ELP1: variants seen among roughly 807,000 people sequenced by gnomAD.
The protein encoded by ELP1 is elongator complex protein 1.
Under a neutral mutation model 183.2 loss-of-function variants are expected in ELP1, and 131 were observed. The observed-to-expected ratio is 0.72, with a 90% CI of 0.62 to 0.83. The LOEUF (loss-of-function observed/expected upper bound fraction) is 0.83, where lower values mean the gene tolerates loss of function less well. Among genes scored for constraint, ELP1 ranks in the 40% least tolerant of loss-of-function variants. The pLI is 0.00. For synonymous variants in ELP1, 555 were observed against 569.0 expected (o/e 0.98, Z 0.35); for missense variants, 1,550 against 1,594.9 (o/e 0.97, Z 0.48).
At chr9:108,924,474 A>G (rs1190094713) in intron 5 of ELP1, among the ~76,000 whole-genome samples, 1 of 151,778 alleles carries the variant, frequency 6.6e-6, no homozygotes, top group Non-Finnish European at 1.5e-5. Flanking sequence ...CTGCATTAGG[A>G]TTTGTGTGAA....
chr9:108,875,308 G>C (rs1827667935), intron 35 of ELP1, among the ~76,000 whole-genome samples: 2 of 152,228 alleles, frequency 1.3e-5, no homozygotes, highest in South Asian at 2.1e-4. Flanking sequence ...CAAATACGTA[G>C]AGTATCAATT....
At chr9:108,884,367 G>T (rs144343511) in intron 29 of ELP1, among the ~76,000 whole-genome samples, 57 of 152,176 alleles carry the variant, frequency 3.7e-4, no homozygotes, top group Non-Finnish European at 7.6e-4. Flanking sequence ...AATCAATAAG[G>T]ATATAAAAAG....
rs1829543890 is a variant in ELP1, at chr9:108,918,865, G to C, written c.686C>G (p.Ala229Gly). ...CACAGGCTCACTGGTTGACTGCAAA[G>C]CAAACTCTCGGTTCCACACTCTGAC... ...RKVRVWNREFALQSTSEPVAG... is the reference protein window; with the variant it reads ...RKVRVWNREFGLQSTSEPVAG... Residue 229 changes from alanine (A) to glycine (G), a missense_variant, in exon 8 of 37, where the codon GCT becomes GGT. Coordinates refer to ENST00000374647, the MANE Select transcript of ELP1 (RefSeq NM_003640.5). 1 of 1,614,028 alleles carries C rather than the reference G, an allele frequency of 6.2e-7. No homozygotes were observed. The highest frequency in any genetic ancestry group is 1.7e-5 in the Admixed American group (1 of 60,008).
intron 36 of ELP1, among the ~76,000 whole-genome samples, chr9:108,872,803 TGAAAAAAAAAAAAA>T (rs1403104795): frequency 3.2e-5 from 2 of 62,788 alleles, no homozygotes; most frequent in Admixed American, 2.1e-4. Context: ...AGACTCTGTC[TGAAAAAAAAAAAAA>T]AAAAAAAAAA....
chr9:108,875,379 T>C (rs1827671362), intron 35 of ELP1, among the ~76,000 whole-genome samples: 1 of 152,210 alleles, frequency 6.6e-6, no homozygotes, highest in African/African-American at 2.4e-5. Flanking sequence ...AACATGTGCA[T>C]ACTATGGAGC....
At chr9:108,930,461 C>A (rs111551558) in intron 2 of ELP1, among the ~76,000 whole-genome samples, 1 of 152,142 alleles carries the variant, frequency 6.6e-6, no homozygotes, top group Non-Finnish European at 1.5e-5. Context: ...GGCGCTGAGG[C>A]AGGCGGATCA....
intron 6 of ELP1, 63 bp from the exon 7 acceptor site, chr9:108,919,412 C>A: frequency 3.8e-6 from 4 of 1,057,144 alleles, no homozygotes. Flanking sequence ...ATCAAACAAG[C>A]CTCAGACCAC....
chr9:108,896,911 T>C, intron 24 of ELP1, 42 bp downstream of exon 24: 2 of 1,535,048 alleles, frequency 1.3e-6, no homozygotes. Context: ...CTAGTAGCAG[T>C]CACGGCCACC....
chr9:108,914,895 G>GC (rs1160384122), intron 10 of ELP1, among the ~76,000 whole-genome samples: 11 of 152,238 alleles, frequency 7.2e-5, no homozygotes, highest in Admixed American at 1.3e-4. Context: ...AAAGTGCTGG[G>GC]CCCCCAAAGT....
rs1398716933 is a variant in ELP1, at chr9:108,878,157, G to A, written c.3701-8C>T. 2 of 1,602,108 alleles carry A rather than the reference G, an allele frequency of 1.2e-6. No homozygotes were observed. The highest frequency in any genetic ancestry group is 1.3e-5 in the African/African-American group (1 of 74,664). ...AAATATGGTATACTTCATCTAGAGA[G>A]AAGAAATTTGAAAGAGTGGTAAGTT... On this transcript the variant is annotated splice_region_variant and splice_polypyrimidine_tract_variant and intron_variant, in intron 34 of 36. Coordinates refer to ENST00000374647, the MANE Select transcript of ELP1 (RefSeq NM_003640.5).
intron 10 of ELP1, among the ~76,000 whole-genome samples, chr9:108,914,655 ACT>A (rs896610062): frequency 9.2e-5 from 14 of 152,088 alleles, no homozygotes; most frequent in African/African-American, 3.1e-4. Context: ...AGACAGTCTC[ACT>A]CTGTCGCCAA....
chr9:108,871,243 T>TA (rs1827444892), intron 36 of ELP1, among the ~76,000 whole-genome samples: 2 of 152,080 alleles, frequency 1.3e-5, no homozygotes, highest in African/African-American at 4.8e-5. Context: ...TAACGAGCCT[T>TA]AAAGGTCCTT....
chr9:108,917,841 C>T (rs188033017), intron 8 of ELP1, among the ~76,000 whole-genome samples, 171 bp from the exon 9 acceptor site: 60 of 152,226 alleles, frequency 3.9e-4, no homozygotes, highest in Non-Finnish European at 7.6e-4. Flanking sequence ...TCTCGGCGAG[C>T]GGTTCATCCC....
At position 108,868,665 on chromosome 9, in the gene ELP1, T is replaced by TA. The variant is rs973875996; in HGVS notation, c.*449dup. The TA allele has an allele frequency of 1.6e-4, 72 of 462,946 alleles. 1 individual carries two copies. The highest frequency in any genetic ancestry group is 1.3e-3 in the African/African-American group (64 of 50,448). The allele number at this position is 462,946 out of a possible 1,614,324, so 28.7% of individuals were successfully genotyped here. A position where few individuals can be genotyped will look rare whatever the true frequency, so the allele number is the denominator to read the frequency against. On this transcript the variant is annotated 3_prime_UTR_variant, in exon 37 of 37. Transcript: ENST00000374647. ...TCAAAGGATACTTTTTATTCTGCTT[T>TA]AGTTTAAGGTGACAAGAAGCTATTT...
At chr9:108,893,205 G>A in intron 26 of ELP1, 122 bp from the exon 27 acceptor site, 1 of 716,564 alleles carries the variant, frequency 1.4e-6, no homozygotes, top group East Asian at 2.7e-5. Flanking sequence ...AATAATCAGA[G>A]AATCTGAAGA....
intron 36 of ELP1, among the ~76,000 whole-genome samples, chr9:108,871,096 G>C (rs888095094): frequency 4.1e-5 from 6 of 144,968 alleles, no homozygotes; most frequent in African/African-American, 1.5e-4. Flanking sequence ...GGAATTTATT[G>C]TCCTGGGCTT....
chr9:108,905,904 T>C (rs924642076), intron 14 of ELP1, among the ~76,000 whole-genome samples: 10 of 143,480 alleles, frequency 7.0e-5, no homozygotes, highest in African/African-American at 2.6e-4. Flanking sequence ...CACACATATA[T>C]GCGCATGACT....
intron 6 of ELP1, among the ~76,000 whole-genome samples, chr9:108,921,863 A>C (rs560041257): frequency 6.6e-6 from 1 of 152,374 alleles, no homozygotes; most frequent in South Asian, 2.1e-4. Context: ...CTAAAACAAA[A>C]GCAGCAACTA....
rs965693804 is a variant in ELP1 at position 108,933,893 on chromosome 9, G to C, written c.-85C>G. On this transcript the variant is annotated 5_prime_UTR_variant, in exon 1 of 37. Coordinates refer to ENST00000374647, the MANE Select transcript of ELP1 (RefSeq NM_003640.5). Reference sequence around the variant, plus strand: ...GGACCCCCAAACAGAGGTGCGTCCGGCCTCGCCTCCCCAGCCACGCGCAGC... The same window carrying C: ...GGACCCCCAAACAGAGGTGCGTCCGCCCTCGCCTCCCCAGCCACGCGCAGC... 1.3e-5 allele frequency: 2 copies of C among 156,702 alleles called. No individual in the cohort carries two copies. The highest frequency in any genetic ancestry group is 4.8e-5 in the African/African-American group (2 of 41,472). The allele number at this position is 156,702 out of a possible 1,614,324, so 9.7% of individuals were successfully genotyped here.
Sources: allele counts gnomAD v4.1 joint callset (sites outside exome capture counted in the v4.1 genomes callset), GRCh38; gene constraint gnomAD v4.1.1; transcripts MANE v1.5; gene names NCBI Gene and HGNC (gene_info 2026-07-23, HGNC 2026-07-21).